Variants in PITPNC1 observed in about 807,000 individuals in gnomAD.
The protein encoded by PITPNC1 is phosphatidylinositol transfer protein cytoplasmic 1, also known as cytoplasmic phosphatidylinositol transfer protein 1.
Under a neutral mutation model 44.7 loss-of-function variants are expected in PITPNC1, and 18 were observed. The ratio of observed to expected loss-of-function variants is 0.40; its 90% CI spans 0.28 to 0.60. The LOEUF (loss-of-function observed/expected upper bound fraction) is 0.60. Ranked by LOEUF, PITPNC1 falls within the 20% of genes least tolerant of loss-of-function variation. The probability of loss-of-function intolerance (pLI) is 0.39; values close to 1 mark genes in which losing one functional copy is unlikely to be tolerated. For synonymous variants in PITPNC1, 141 were observed against 149.6 expected, an observed-to-expected ratio of 0.94 and a Z score of 0.42; for missense variants, 290 against 418.4, an observed-to-expected ratio of 0.69 and a Z score of 2.68.
Position 67,692,823 on chromosome 17 carries a change from A to T in PITPNC1, c.934A>T (p.Lys312Ter). 6.2e-7 allele frequency: 1 copy of T among 1,613,890 alleles called. No individual in the cohort carries two copies. Among genetic ancestry groups the T allele is most frequent in the Non-Finnish European group, 8.5e-7 (1 of 1,179,804 alleles). Residue 312 changes from lysine to a stop codon, truncating the protein, a stop_gained, in exon 9 of 9, where the codon AAA becomes TAA. Coordinates refer to ENST00000581322, the MANE Select transcript of PITPNC1 (RefSeq NM_012417.4). LOFTEE classifies it high-confidence loss of function. Reference sequence around the variant, plus strand: ...TCTCACACTTCCAGACCCTGAGAAAAAAGCCACCCTGAATTTACCCGGCAT... The same window carrying T: ...TCTCACACTTCCAGACCCTGAGAAATAAGCCACCCTGAATTTACCCGGCAT... The part of the protein sequence containing the change: ...ETLTLPDPEK[K>*]ATLNLPGMHS...
intron 5 of PITPNC1, among the ~76,000 whole-genome samples, chr17:67,583,845 G>A (rs1391555904): frequency 2.0e-5 from 3 of 150,294 alleles, no homozygotes; most frequent in African/African-American, 4.9e-5. Flanking sequence ...ACAGGCGCCC[G>A]CCACCACGCC....
chr17:67,647,236 T>C (rs997123826), intron 6 of PITPNC1, among the ~76,000 whole-genome samples: 3 of 151,724 alleles, frequency 2.0e-5, no homozygotes, highest in African/African-American at 7.3e-5. Context: ...CTTGGGTCTG[T>C]AAAAAAAACC....
chr17:67,597,533 G>A lies in PITPNC1; in HGVS notation c.366+19276G>A, dbSNP rs181998452. On this transcript the variant is annotated intron_variant, in intron 5 of 8. Coordinates refer to ENST00000581322, the MANE Select transcript of PITPNC1 (RefSeq NM_012417.4). The surrounding 1 kb of genome is among the most constrained non-coding windows in gnomAD (Gnocchi z 4.0). ...CATGCTGCTGTACTCCAGCCTAGGC[G>A]ACAGAGTGATTGAGACTCCATCTCA... Among the ~76,000 whole-genome samples the A allele has an allele frequency of 1.5e-4, 23 of 152,166 alleles. No homozygotes were observed. The highest frequency in any genetic ancestry group is 4.6e-4 in the Admixed American group (7 of 15,286).
At chr17:67,545,372 G>A (rs746995659) in intron 2 of PITPNC1, among the ~76,000 whole-genome samples, 10 of 151,912 alleles carry the variant, frequency 6.6e-5, no homozygotes, top group East Asian at 1.9e-4. Context: ...GAGGTCAGGC[G>A]TTTGAGACCA....
intron 1 of PITPNC1, among the ~76,000 whole-genome samples, chr17:67,504,382 G>T (rs1598751218): frequency 6.6e-6 from 1 of 152,174 alleles, no homozygotes; most frequent in East Asian, 1.9e-4. Flanking sequence ...GTGCAAAACA[G>T]GTCTTATCTA....
At chr17:67,473,095 C>T (rs1363744400) in intron 1 of PITPNC1, among the ~76,000 whole-genome samples, 6 of 152,014 alleles carry the variant, frequency 3.9e-5, no homozygotes, top group South Asian at 2.1e-4. Flanking sequence ...CCAGGATGGT[C>T]GCGATCTCCT....
At chr17:67,422,178 G>C (rs2038680419) in intron 1 of PITPNC1, among the ~76,000 whole-genome samples, 2 of 152,130 alleles carry the variant, frequency 1.3e-5, no homozygotes, top group African/African-American at 4.8e-5. Context: ...AGGGGCAGAG[G>C]GAAAAACAAA....
At chr17:67,512,976 G>T (rs1206399306) in intron 1 of PITPNC1, among the ~76,000 whole-genome samples, 6 of 152,098 alleles carry the variant, frequency 3.9e-5, no homozygotes, top group African/African-American at 1.4e-4. Flanking sequence ...CCACACTTAA[G>T]TGGCTTCCAG....
intron 6 of PITPNC1, among the ~76,000 whole-genome samples, chr17:67,644,425 A>ATTT (rs750245444): frequency 3.0e-4 from 33 of 109,044 alleles, no homozygotes; most frequent in African/African-American, 6.5e-4. Context: ...TCCCTCTGTA[A>ATTT]TTTTTTTTTT....
chr17:67,531,170 G>A, intron 1 of PITPNC1, among the ~76,000 whole-genome samples: 1 of 152,160 alleles, frequency 6.6e-6, no homozygotes, highest in East Asian at 1.9e-4. Flanking sequence ...TTGAGCCTGG[G>A]AGGCGGAGGT....
intron 5 of PITPNC1, among the ~76,000 whole-genome samples, chr17:67,629,541 T>G (rs562012649): frequency 5.3e-5 from 8 of 152,338 alleles, no homozygotes; most frequent in African/African-American, 1.7e-4. Context: ...CCTCCCGAAG[T>G]GCTGGGCTTA....
chr17:67,609,651 A>C (rs913034300), intron 5 of PITPNC1, among the ~76,000 whole-genome samples: 1 of 151,992 alleles, frequency 6.6e-6, no homozygotes, highest in Non-Finnish European at 1.5e-5. Context: ...AAGTCACCCC[A>C]AGAGAGAGCA....
intron 1 of PITPNC1, among the ~76,000 whole-genome samples, chr17:67,473,697 G>C (rs571034338): frequency 6.6e-6 from 1 of 152,294 alleles, no homozygotes; most frequent in Non-Finnish European, 1.5e-5. Context: ...TCATGCCTCA[G>C]CCTTCAGAGT....
intron 6 of PITPNC1, among the ~76,000 whole-genome samples, chr17:67,644,284 T>C (rs1301777426): frequency 1.3e-5 from 2 of 152,140 alleles, no homozygotes; most frequent in African/African-American, 4.8e-5. Context: ...CGAGCCTTCT[T>C]ACAGCTGTAC....
intron 1 of PITPNC1, among the ~76,000 whole-genome samples, chr17:67,431,416 C>T (rs1056734016): frequency 4.6e-5 from 7 of 152,196 alleles, no homozygotes; most frequent in Admixed American, 1.3e-4. Flanking sequence ...CACCCTTTAC[C>T]GCTGAGTCAG....
At chr17:67,402,647 T>C (rs142309422) in intron 1 of PITPNC1, among the ~76,000 whole-genome samples, 68 of 152,330 alleles carry the variant, frequency 4.5e-4, no homozygotes, top group African/African-American at 1.5e-3. Context: ...AGTTTCAAGT[T>C]TGACCACATG....
intron 5 of PITPNC1, among the ~76,000 whole-genome samples, chr17:67,601,454 C>A (rs986549191): frequency 3.3e-5 from 5 of 151,962 alleles, no homozygotes; most frequent in African/African-American, 1.2e-4. Flanking sequence ...TTTGGAGTTA[C>A]AAGAGGAAGA....
chr17:67,456,069 T>C (rs749676768), intron 1 of PITPNC1, among the ~76,000 whole-genome samples: 72 of 149,376 alleles, frequency 4.8e-4, no homozygotes, highest in Admixed American at 2.2e-3. Context: ...TCTATTATTA[T>C]CATCCCATTT....
At chr17:67,632,004 A>G (rs186581871) in intron 5 of PITPNC1, 139 bp from the exon 6 acceptor site, 35 of 606,470 alleles carry the variant, frequency 5.8e-5, no homozygotes, top group African/African-American at 5.2e-4. Context: ...ATTCTTGCGC[A>G]TTCTGAGGCT....
Sources: allele counts gnomAD v4.1 joint callset (sites outside exome capture counted in the v4.1 genomes callset), GRCh38; gene constraint gnomAD v4.1.1; non-coding constraint Gnocchi (gnomAD v3.1); transcripts MANE v1.5; gene names NCBI Gene and HGNC (gene_info 2026-07-23, HGNC 2026-07-21).